The following ARRDC3 variants were observed in gnomAD, a reference collection of about 807,000 sequenced individuals.
ARRDC3 encodes arrestin domain-containing protein 3.
Under a neutral mutation model 47.2 loss-of-function variants are expected in ARRDC3, and 10 were observed. The observed-to-expected ratio is 0.21, with a 90% confidence interval of 0.13 to 0.36. The LOEUF (loss-of-function observed/expected upper bound fraction) is 0.36, where lower values mean the gene tolerates loss of function less well. Among genes scored for constraint, ARRDC3 ranks in the 10% least tolerant of loss-of-function variants. The pLI is 1.00. For missense variants in ARRDC3, 381 were observed against 503.6 expected (o/e 0.76, Z 2.33); for synonymous variants, 156 against 178.3 (o/e 0.87, Z 1.00).
intron 1 of ARRDC3, 142 bp downstream of exon 1, chr5:91,382,671 G>A (rs1799478999): frequency 1.1e-6 from 1 of 895,246 alleles, no homozygotes; most frequent in Admixed American, 2.5e-5. Context: ...GAACGTCAAG[G>A]AGAATCCAAA....
chr5:91,377,052 A>T (rs1261032067), intron 2 of ARRDC3, among the ~76,000 whole-genome samples: 2 of 152,368 alleles, frequency 1.3e-5, no homozygotes, highest in Middle Eastern at 3.4e-3. Flanking sequence ...TGGCAAAATC[A>T]TGAAAGTTTA....
At position 91,373,806 on chromosome 5, in the gene ARRDC3, C is replaced by G; in HGVS notation, c.1066G>C (p.Glu356Gln). 1 of 1,614,022 alleles carries G rather than the reference C, an allele frequency of 6.2e-7. No homozygotes were observed. Among genetic ancestry groups the G allele is most frequent in the Non-Finnish European group, 8.5e-7 (1 of 1,179,940 alleles). The change falls in exon 7 of 8, where the codon GAA becomes CAA. Residue 356 changes from glutamate (E) to glutamine (Q), a missense_variant. By Grantham distance (29) the Glu-to-Gln change is conservative. Coordinates refer to ENST00000265138, the MANE Select transcript of ARRDC3 (RefSeq NM_020801.4). ...GGTGCAAGATTGTTCCGCCTTTGTT[C>G]CTCTGTTACCACTTCTGCATAGCTG... Reference protein sequence around the residue: ...PPSYAEVVTEEQRRNNLAPVS... With the variant: ...PPSYAEVVTEQQRRNNLAPVS...
Position 91,374,585 on chromosome 5 carries a change from A to C in ARRDC3, c.871-309T>G, listed in dbSNP as rs532313380. 1.1e-3 allele frequency among the ~76,000 whole-genome samples: 167 copies of C among 152,302 alleles called. 1 individual carries two copies. The highest frequency in any genetic ancestry group is 3.6e-3 in the African/African-American group (148 of 41,582). On this transcript the variant is annotated intron_variant, in intron 5 of 7. Transcript: ENST00000265138. ...AGACTTAAAAACAAAACAAAAAAAA[A>C]CACCAAAAACCTCTTGGGCCAGGCA... is the stretch of plus-strand genomic sequence containing the variant.
rs1275019940 is a variant in ARRDC3 at position 91,382,932 on chromosome 5, T to C, written c.161A>G (p.His54Arg). The C allele has an allele frequency of 6.2e-7, 1 of 1,614,196 alleles. No homozygotes were observed. Among genetic ancestry groups the C allele is most frequent in the Non-Finnish European group, 8.5e-7 (1 of 1,180,040 alleles). The change falls in exon 1 of 8, where the codon CAT (histidine) becomes CGT (arginine). Residue 54 changes from histidine to arginine, a missense_variant. Coordinates refer to ENST00000265138, the MANE Select transcript of ARRDC3 (RefSeq NM_020801.4). ...VKSLKIHARG[H>R]AKVRWTESRN... The stretch of plus-strand genomic sequence containing the variant: ...AGATTCAGTCCAGCGTACTTTCGCA[T>C]GTCCTCTTGCATGAATTTTAAGAGA...
chr5:91,382,826 A>T lies in ARRDC3; in HGVS notation c.267T>A (p.Ile89=). 1 of 1,612,584 alleles carries T rather than the reference A, an allele frequency of 6.2e-7. No homozygotes were observed. Among genetic ancestry groups the T allele is most frequent in the Non-Finnish European group, 8.5e-7 (1 of 1,179,338 alleles). ...VEYFNHKDIL[I]GHERDDDNSE... ...ACAAAAACTTACCTCTTTCGTGCCCAATTAAGATGTCTTTATGGTTGAAAT... is the reference window on the plus strand; with the variant it reads ...ACAAAAACTTACCTCTTTCGTGCCCTATTAAGATGTCTTTATGGTTGAAAT... The change falls in exon 1 of 8, where the codon ATT becomes ATA. Residue 89 remains isoleucine (I), a synonymous_variant. Transcript: ENST00000265138.
chr5:91,380,219 G>A, intron 1 of ARRDC3: 1 of 163,888 alleles, frequency 6.1e-6, no homozygotes, highest in Non-Finnish European at 1.3e-5. Flanking sequence ...CCCGCGCGCC[G>A]CCGCCGCCGC....
At chr5:91,372,958 C>T (rs1799214034) in intron 7 of ARRDC3, among the ~76,000 whole-genome samples, 1 of 152,188 alleles carries the variant, frequency 6.6e-6, no homozygotes, top group African/African-American at 2.4e-5. Context: ...CACTCCTTGT[C>T]TTTACATACA....
In ARRDC3 at chr5:91,373,578, T is replaced by C. The variant is rs577112443; in HGVS notation, c.1188+106A>G. On this transcript the variant is annotated intron_variant, in intron 7 of 7. Coordinates refer to ENST00000265138, the MANE Select transcript of ARRDC3 (RefSeq NM_020801.4). The stretch of plus-strand genomic sequence containing the variant: ...ATCTGTTGTTTTAAATTATTTGTTC[T>C]GTTAACATGATAATCAAGATCTAAT... 56 of 1,119,392 alleles carry C rather than the reference T, an allele frequency of 5.0e-5. No individual in the cohort carries two copies. In the African/African-American group the frequency reaches 6.1e-4, roughly 12 times the overall value. 69.3% of individuals were successfully genotyped at this position (1,119,392 alleles called of 1,614,324 possible). A position where few individuals can be genotyped will look rare whatever the true frequency, so the allele number is the denominator to read the frequency against.
chr5:91,380,039 C>G (rs1799407677), intron 1 of ARRDC3: 1 of 152,236 alleles, frequency 6.6e-6, no homozygotes, highest in Admixed American at 6.5e-5. Flanking sequence ...GTTCGCCTTC[C>G]TTTCCCTTTC....
chr5:91,383,292 C>G lies in ARRDC3; in HGVS notation c.-200G>C, dbSNP rs529879690. ...GAGGCTGCTGCTCCGCGCTCCCGCTCGTCTCAGTGGTCTCCTTACAAAGAC... is the reference window on the plus strand; with the variant it reads ...GAGGCTGCTGCTCCGCGCTCCCGCTGGTCTCAGTGGTCTCCTTACAAAGAC... On this transcript the variant is annotated 5_prime_UTR_variant, in exon 1 of 8. Transcript: ENST00000265138. 26 of 549,562 alleles carry G rather than the reference C, an allele frequency of 4.7e-5. No individual in the cohort carries two copies. The East Asian group carries it at 6.6e-4, about 14-fold the overall frequency. 34.0% of individuals were successfully genotyped at this position (549,562 alleles called of 1,614,324 possible).
Position 91,371,008 on chromosome 5 carries a change from GAAAAAAAA to G in ARRDC3, c.*384_*391del, listed in dbSNP as rs767515801. The G allele has an allele frequency of 1.4e-5, 1 of 70,444 alleles. No homozygotes were observed. Among genetic ancestry groups the G allele is most frequent in the Admixed American group, 1.7e-4 (1 of 5,974 alleles). The allele number at this position is 70,444 out of a possible 1,614,324, so 4.4% of individuals were successfully genotyped here. On this transcript the variant is annotated 3_prime_UTR_variant, in exon 8 of 8. Transcript: ENST00000265138. The stretch of plus-strand genomic sequence containing the variant: ...GAGTATCAAGAGTCTGGCAAAAATA[GAAAAAAAA>G]AAAAAAAAAAAAAGAAGCTGTAGTG...
rs1582365214 is a variant in ARRDC3, at chr5:91,370,214, TTAAG to T, written c.*1182_*1185del. The T allele has an allele frequency of 6.6e-6, 1 of 152,556 alleles. No individual in the cohort carries two copies. The highest frequency in any genetic ancestry group is 1.5e-5 in the Non-Finnish European group (1 of 68,030). The allele number at this position is 152,556 out of a possible 1,614,324, so 9.5% of individuals were successfully genotyped here. ...TCCAACATATGTGTTTTGGAGGTAA[TTAAG>T]TAACTCTGTATAAAAATAAATGCAC... On this transcript the variant is annotated 3_prime_UTR_variant, in exon 8 of 8. Coordinates refer to ENST00000265138, the MANE Select transcript of ARRDC3 (RefSeq NM_020801.4).
Position 91,377,720 on chromosome 5 carries a change from T to C in ARRDC3, c.363-952A>G, listed in dbSNP as rs865822595. Among the ~76,000 whole-genome samples, 8 of 152,134 alleles carry C rather than the reference T, an allele frequency of 5.3e-5. No individual in the cohort carries two copies. The South Asian group carries it at 1.7e-3, about 32-fold the overall frequency. ...CTTTAACATTAAATGACGCTGAAAA[T>C]ACTCAGGCCCCATATTGGCCTTATT... On this transcript the variant is annotated intron_variant, in intron 2 of 7. Coordinates refer to ENST00000265138, the MANE Select transcript of ARRDC3 (RefSeq NM_020801.4).
At chr5:91,376,460 A>T in intron 3 of ARRDC3, 161 bp downstream of exon 3, 1 of 647,450 alleles carries the variant, frequency 1.5e-6, no homozygotes, top group Non-Finnish European at 2.5e-6. Context: ...TTTTTCATTA[A>T]TTTCAGTGTT....
At chr5:91,377,336 T>C (rs978449610) in intron 2 of ARRDC3, among the ~76,000 whole-genome samples, 1 of 152,168 alleles carries the variant, frequency 6.6e-6, no homozygotes, top group African/African-American at 2.4e-5. Flanking sequence ...GTTCTAATTC[T>C]TGTTTGGCTG....
intron 2 of ARRDC3, among the ~76,000 whole-genome samples, chr5:91,377,263 T>C (rs1799325875): frequency 6.6e-6 from 1 of 152,204 alleles, no homozygotes; most frequent in Non-Finnish European, 1.5e-5. Flanking sequence ...CATTATAGTT[T>C]CAAAAATTTC....
At position 91,370,313 on chromosome 5, in the gene ARRDC3, T is replaced by G. The variant is rs548084529; in HGVS notation, c.*1087A>C. The G allele has an allele frequency of 3.9e-5, 6 of 152,758 alleles. No homozygotes were observed. The highest frequency in any genetic ancestry group is 1.4e-4 in the African/African-American group (6 of 41,590). 9.5% of individuals were successfully genotyped at this position (152,758 alleles called of 1,614,324 possible). The stretch of plus-strand genomic sequence containing the variant: ...AAATAATAATAAAAAAAATAATTTT[T>G]AAGAGCAACAGCCCTCAACTCTTTG... On this transcript the variant is annotated 3_prime_UTR_variant, in exon 8 of 8. Coordinates refer to ENST00000265138, the MANE Select transcript of ARRDC3 (RefSeq NM_020801.4).
At chr5:91,371,562 G>C in intron 7 of ARRDC3, 106 bp from the exon 8 acceptor site, 1 of 800,024 alleles carries the variant, frequency 1.2e-6, no homozygotes, top group Non-Finnish European at 2.0e-6. Flanking sequence ...TGTAATCAGA[G>C]AGCAAACACA....
intron 6 of ARRDC3, 64 bp from the exon 7 acceptor site, chr5:91,373,902 T>C (rs1799239603): frequency 6.3e-7 from 1 of 1,593,806 alleles, no homozygotes; most frequent in Non-Finnish European, 8.6e-7. Context: ...ATACACAGAA[T>C]AGTAGGTATT....
Sources: gnomAD v4.1 joint callset for allele counts (sites outside exome capture counted in the v4.1 genomes callset) on GRCh38, gnomAD v4.1.1 for gene constraint, MANE v1.5 for transcripts, NCBI Gene and HGNC (gene_info 2026-07-23, HGNC 2026-07-21) for gene names.